CASS4: variants seen among roughly 807,000 people sequenced by gnomAD.
CASS4 encodes the protein Cas scaffold protein family member 4, also known as cas scaffolding protein family member 4.
A neutral mutation model predicts 54.2 loss-of-function variants in CASS4; 22 were observed. That is an observed-to-expected ratio of 0.41 (90% CI 0.29 to 0.58). The LOEUF (loss-of-function observed/expected upper bound fraction) is 0.58. CASS4 is among the 20% of genes least tolerant of loss of function. The probability of loss-of-function intolerance (pLI) is 0.36; values close to 1 mark genes in which losing one functional copy is unlikely to be tolerated. For missense variants in CASS4, 854 were observed against 986.7 expected (o/e 0.87, Z 1.80); for synonymous variants, 409 against 391.5 (o/e 1.04, Z -0.53).
chr20:56,412,205 G>A, upstream of CASS4: 1 of 509,030 alleles, frequency 2.0e-6, no homozygotes, highest in Non-Finnish European at 3.5e-6. This position sits in a 1 kb window ranked among gnomAD's most constrained non-coding sequence, Gnocchi z 4.2. Context: ...GAGACGTCAG[G>A]CATTGAGACG....
At chr20:56,420,555 A>AT (rs11475630) in intron 1 of CASS4, among the ~76,000 whole-genome samples, 14,077 of 137,274 alleles carry the variant, frequency 0.1, 882 homozygotes, top group African/African-American at 0.16. Context: ...TGCCCATCTA[A>AT]TTTTTTTTTT....
At chr20:56,420,464 C>T (rs567807628) in intron 1 of CASS4, among the ~76,000 whole-genome samples, 1 of 152,100 alleles carries the variant, frequency 6.6e-6, no homozygotes, top group Non-Finnish European at 1.5e-5. Context: ...TCATAGTTCA[C>T]TACAACCTCA....
Position 56,451,912 on chromosome 20 carries a change from A to C in CASS4, c.736A>C (p.Thr246Pro). 1 of 1,614,044 alleles carries C rather than the reference A, an allele frequency of 6.2e-7. No homozygotes were observed. The highest frequency in any genetic ancestry group is 1.1e-5 in the South Asian group (1 of 91,084). Reference protein sequence around the residue: ...NPQKSEWIYDTPVSPGKASVR... With the variant: ...NPQKSEWIYDPPVSPGKASVR... ...TCAGAAATCGGAATGGATTTATGACACTCCAGTGTCTCCAGGAAAGGCCAG... is the reference window on the plus strand; with the variant it reads ...TCAGAAATCGGAATGGATTTATGACCCTCCAGTGTCTCCAGGAAAGGCCAG... Residue 246 changes from threonine (T) to proline (P), a missense_variant, in exon 5 of 6, where the codon ACT becomes CCT. By Grantham distance (38) the Thr-to-Pro change is conservative. Coordinates refer to ENST00000679887, the MANE Select transcript of CASS4 (RefSeq NM_020356.4).
chr20:56,437,347 G>T lies in CASS4; in HGVS notation c.220G>T (p.Val74Phe), dbSNP rs1980231060. Residue 74 changes from valine (V) to phenylalanine (F), a missense_variant, in exon 2 of 6, where the codon GTC (valine) becomes TTC (phenylalanine). By Grantham distance (50) the Val-to-Phe change is conservative. Transcript: ENST00000679887. The surrounding 1 kb of genome is among the most constrained non-coding windows in gnomAD (Gnocchi z 4.7). ...CAACCGCCTCCAAATCCTCACGGAG[G>T]TCGCTGCAGACAGGCCGTGCCCCCC... ...PANRLQILTEVAADRPCPPFL... is the reference protein window; with the variant it reads ...PANRLQILTEFAADRPCPPFL... 6.2e-7 allele frequency: 1 copy of T among 1,614,000 alleles called. No individual in the cohort carries two copies. Among genetic ancestry groups the T allele is most frequent in the Non-Finnish European group, 8.5e-7 (1 of 1,179,996 alleles).
chr20:56,416,583 TATTGAA>T (rs1979151101), intron 1 of CASS4, among the ~76,000 whole-genome samples: 1 of 152,044 alleles, frequency 6.6e-6, no homozygotes, highest in Non-Finnish European at 1.5e-5. Context: ...TTACAGGTAA[TATTGAA>T]ATTAGCATCT....
intron 4 of CASS4, among the ~76,000 whole-genome samples, chr20:56,450,998 G>T (rs1393919170): frequency 6.7e-6 from 1 of 148,542 alleles, no homozygotes; most frequent in Non-Finnish European, 1.5e-5. Flanking sequence ...GTGTAACCCT[G>T]TCTCTAATAA....
chr20:56,416,317 T>C (rs375961803), intron 1 of CASS4, among the ~76,000 whole-genome samples: 4 of 152,336 alleles, frequency 2.6e-5, no homozygotes, highest in East Asian at 1.9e-4. Flanking sequence ...CCCAAAGTGC[T>C]GGGATTACAG....
chr20:56,433,927 G>A (rs901367327), intron 1 of CASS4, among the ~76,000 whole-genome samples: 6 of 152,126 alleles, frequency 3.9e-5, no homozygotes, highest in African/African-American at 1.2e-4. Context: ...CACATCCCCC[G>A]GGTTGCCTGC....
At chr20:56,440,862 A>G (rs542549139) in intron 2 of CASS4, among the ~76,000 whole-genome samples, 1 of 152,162 alleles carries the variant, frequency 6.6e-6, no homozygotes, top group Non-Finnish European at 1.5e-5. Context: ...TGAGGTGGCC[A>G]CAGTAAAACC....
chr20:56,428,303 G>A (rs1979738716), intron 1 of CASS4, among the ~76,000 whole-genome samples: 1 of 152,186 alleles, frequency 6.6e-6, no homozygotes, highest in African/African-American at 2.4e-5. Flanking sequence ...GAAGGAGCTG[G>A]ACAGAGTAGA....
chr20:56,458,501 G>C lies in CASS4; in HGVS notation c.2115G>C (p.Gln705His). The C allele has an allele frequency of 6.2e-7, 1 of 1,614,188 alleles. No homozygotes were observed. Among genetic ancestry groups the C allele is most frequent in the Non-Finnish European group, 8.5e-7 (1 of 1,180,036 alleles). The change falls in exon 6 of 6, where the codon CAG becomes CAC. Residue 705 changes from glutamine to histidine, a missense_variant. Gln to His is a conservative substitution (Grantham distance 24). Transcript: ENST00000679887. ...GCCAGCCCGCGGAGATCATCACTCAGAGCAAGCTGGTCATCATGGTGGGAC... is the reference window on the plus strand; with the variant it reads ...GCCAGCCCGCGGAGATCATCACTCACAGCAAGCTGGTCATCATGGTGGGAC... ...SSSQPAEIITQSKLVIMVGQK... is the reference protein window; with the variant it reads ...SSSQPAEIITHSKLVIMVGQK...
At chr20:56,428,567 C>G (rs749927879) in intron 1 of CASS4, among the ~76,000 whole-genome samples, 28 of 152,328 alleles carry the variant, frequency 1.8e-4, no homozygotes, top group Non-Finnish European at 2.8e-4. Flanking sequence ...GCCACAGCCT[C>G]CACCACACCC....
Position 56,458,322 on chromosome 20 carries a change from C to T in CASS4, c.1954-18C>T. On this transcript the variant is annotated intron_variant, in intron 5 of 5. Transcript: ENST00000679887. ...ATTGATTGAATCTCCTATCTATTTT[C>T]TTCCTTCCCTTCTTTAGAATCCTGG... 1 of 1,593,518 alleles carries T rather than the reference C, an allele frequency of 6.3e-7. No homozygotes were observed. The highest frequency in any genetic ancestry group is 8.6e-7 in the Non-Finnish European group (1 of 1,163,752).
chr20:56,438,689 T>C (rs1980313963), intron 2 of CASS4, among the ~76,000 whole-genome samples: 1 of 152,112 alleles, frequency 6.6e-6, no homozygotes, highest in Admixed American at 6.6e-5. Flanking sequence ...AAACTCCGTC[T>C]CTATTAAAAT....
Position 56,453,091 on chromosome 20 carries a change from G to C in CASS4, c.1915G>C (p.Glu639Gln). 6.2e-7 allele frequency: 1 copy of C among 1,613,916 alleles called. No homozygotes were observed. The highest frequency in any genetic ancestry group is 8.5e-7 in the Non-Finnish European group (1 of 1,179,982). ...TKQREDEHSSELLKKNRANIC... is the reference protein window; with the variant it reads ...TKQREDEHSSQLLKKNRANIC... ...GCAAAGGGAAGATGAACACTCTTCT[G>C]AACTATTAAAGAAAAATAGGGCAAA... Residue 639 changes from glutamate (E) to glutamine (Q), a missense_variant, in exon 5 of 6, where the codon GAA (glutamate) becomes CAA (glutamine). Physicochemically the swap from Glu to Gln is conservative, Grantham distance 29. Coordinates refer to ENST00000679887, the MANE Select transcript of CASS4 (RefSeq NM_020356.4).
chr20:56,441,156 A>AT (rs1286256412), intron 2 of CASS4, among the ~76,000 whole-genome samples: 2 of 147,664 alleles, frequency 1.4e-5, no homozygotes, highest in Admixed American at 6.7e-5. Context: ...GCCTGGCTAA[A>AT]TTTTTTTTGT....
rs1355878273 is a variant in CASS4, at chr20:56,458,846, C to G, written c.*99C>G. 8.0e-7 allele frequency: 1 copy of G among 1,246,436 alleles called. No homozygotes were observed. The highest frequency in any genetic ancestry group is 1.1e-6 in the Non-Finnish European group (1 of 911,634). 77.2% of individuals were successfully genotyped at this position (1,246,436 alleles called of 1,614,324 possible). Reference sequence around the variant, plus strand: ...GGGAAAAGCCAGCCGGGGCATACACCAATGAGCTGAAACAGACCTGGTGCC... The same window carrying G: ...GGGAAAAGCCAGCCGGGGCATACACGAATGAGCTGAAACAGACCTGGTGCC... On this transcript the variant is annotated 3_prime_UTR_variant, in exon 6 of 6. Coordinates refer to ENST00000679887, the MANE Select transcript of CASS4 (RefSeq NM_020356.4).
intron 1 of CASS4, among the ~76,000 whole-genome samples, chr20:56,423,734 G>A (rs1447753596): frequency 2.6e-5 from 4 of 151,886 alleles, no homozygotes; most frequent in East Asian, 1.9e-4. Flanking sequence ...TAGTAGAGTC[G>A]GGGTTTCACC....
chr20:56,424,212 G>A (rs1979536012), intron 1 of CASS4, among the ~76,000 whole-genome samples: 1 of 152,100 alleles, frequency 6.6e-6, no homozygotes, highest in African/African-American at 2.4e-5. Context: ...GCAGATTATT[G>A]AAGCAAAGCT....
Sources: gnomAD v4.1 joint callset for allele counts (sites outside exome capture counted in the v4.1 genomes callset) on GRCh38, gnomAD v4.1.1 for gene constraint, Gnocchi (gnomAD v3.1) non-coding constraint, MANE v1.5 for transcripts, NCBI Gene and HGNC (gene_info 2026-07-23, HGNC 2026-07-21) for gene names.